PABPC4L: variants seen among roughly 807,000 people sequenced by gnomAD.
The protein encoded by PABPC4L is polyadenylate-binding protein 4-like.
For missense variants in PABPC4L, 452 were observed against 451.4 expected (o/e 1.00, Z -0.01); for synonymous variants, 169 against 164.1 (o/e 1.03, Z -0.23).
At chr4:134,173,175 A>AAG in the PABPC4L span, among the ~76,000 whole-genome samples, 8 of 150,850 alleles carry the variant, frequency 5.3e-5, no homozygotes, top group Non-Finnish European at 1.0e-4. Context: ...AAAAAAAAAA[A>AAG]AAAAAGAAAC....
the PABPC4L span, among the ~76,000 whole-genome samples, chr4:133,979,393 C>T: frequency 6.6e-6 from 1 of 151,982 alleles, no homozygotes; most frequent in Non-Finnish European, 1.5e-5. Flanking sequence ...GTAGGAGGAA[C>T]CCTGAGAACA....
chr4:134,061,660 T>C, the PABPC4L span, among the ~76,000 whole-genome samples: 3 of 94,772 alleles, frequency 3.2e-5, no homozygotes, highest in Non-Finnish European at 6.9e-5. Context: ...GAGAGAGAGA[T>C]TGGAGATATT....
downstream of PABPC4L, among the ~76,000 whole-genome samples, chr4:134,192,667 C>T (rs1729544111): frequency 6.6e-6 from 1 of 151,984 alleles, no homozygotes; most frequent in Non-Finnish European, 1.5e-5. Context: ...AGTCACACAA[C>T]AGAAGAATAT....
At chr4:134,145,912 A>G in the PABPC4L span, among the ~76,000 whole-genome samples, 1 of 151,984 alleles carries the variant, frequency 6.6e-6, no homozygotes, top group Admixed American at 6.6e-5. Context: ...AATAGTGAAA[A>G]AATTATTTTA....
chr4:134,095,717 C>A, the PABPC4L span, among the ~76,000 whole-genome samples: 6 of 151,836 alleles, frequency 4.0e-5, no homozygotes, highest in Admixed American at 3.3e-4. Flanking sequence ...TTCAGTAAAT[C>A]CTTATCACTT....
the PABPC4L span, among the ~76,000 whole-genome samples, chr4:134,063,782 A>G: frequency 3.3e-5 from 5 of 152,072 alleles, no homozygotes; most frequent in Admixed American, 1.3e-4. Flanking sequence ...AGACCAATAA[A>G]AAAAGTAAAT....
the PABPC4L span, among the ~76,000 whole-genome samples, chr4:133,975,493 T>C: frequency 6.6e-6 from 1 of 152,174 alleles, no homozygotes; most frequent in Non-Finnish European, 1.5e-5. Flanking sequence ...ACGTGAATTA[T>C]ATCTCAATAA....
chr4:134,179,896 G>A, the PABPC4L span, among the ~76,000 whole-genome samples: 7 of 152,066 alleles, frequency 4.6e-5, no homozygotes, highest in South Asian at 1.5e-3. Context: ...CACAAGTTAC[G>A]AAGACCTATT....
At chr4:134,095,495 A>G in the PABPC4L span, among the ~76,000 whole-genome samples, 3 of 152,022 alleles carry the variant, frequency 2.0e-5, no homozygotes, top group Non-Finnish European at 4.4e-5. Context: ...CAGAAAATAG[A>G]TGGAATATTA....
At chr4:134,113,428 C>A in the PABPC4L span, among the ~76,000 whole-genome samples, 1 of 151,850 alleles carries the variant, frequency 6.6e-6, no homozygotes, top group Non-Finnish European at 1.5e-5. Context: ...AACACAAACA[C>A]CATTGTGTTA....
At chr4:134,091,604 G>A in the PABPC4L span, among the ~76,000 whole-genome samples, 1 of 151,632 alleles carries the variant, frequency 6.6e-6, no homozygotes, top group African/African-American at 2.4e-5. Context: ...TTTCCTCTAA[G>A]TAAGATGCTG....
chr4:134,150,379 C>T, the PABPC4L span, among the ~76,000 whole-genome samples: 3 of 152,034 alleles, frequency 2.0e-5, no homozygotes, highest in African/African-American at 7.2e-5. Flanking sequence ...CCACCGTGCC[C>T]TGCATATTAT....
At chr4:133,950,998 C>T in the PABPC4L span, among the ~76,000 whole-genome samples, 1 of 152,284 alleles carries the variant, frequency 6.6e-6, no homozygotes, top group Admixed American at 6.5e-5. Context: ...CTTGTAGGAG[C>T]TTTAGGGACT....
At chr4:134,048,515 G>T in the PABPC4L span, among the ~76,000 whole-genome samples, 1 of 152,080 alleles carries the variant, frequency 6.6e-6, no homozygotes, top group Non-Finnish European at 1.5e-5. Flanking sequence ...TTCTTCACAG[G>T]TGAGGGTAGA....
the PABPC4L span, among the ~76,000 whole-genome samples, chr4:133,984,109 A>G: frequency 6.6e-6 from 1 of 151,982 alleles, no homozygotes; most frequent in Admixed American, 6.6e-5. Flanking sequence ...CATATTTTCA[A>G]TTGCACCAAC....
At chr4:134,186,831 T>C in the PABPC4L span, among the ~76,000 whole-genome samples, 395 of 152,070 alleles carry the variant, frequency 2.6e-3, 1 homozygote, top group Admixed American at 3.4e-3. Flanking sequence ...ACAAAGAACT[T>C]AAACAAATTT....
the PABPC4L span, among the ~76,000 whole-genome samples, chr4:134,032,980 T>A: frequency 4.0e-3 from 603 of 151,644 alleles, 2 homozygotes; most frequent in African/African-American, 0.011. Context: ...AAGTATACCT[T>A]GTGTTATTGC....
At chr4:134,043,019 T>G in the PABPC4L span, among the ~76,000 whole-genome samples, 1 of 152,140 alleles carries the variant, frequency 6.6e-6, no homozygotes, top group Non-Finnish European at 1.5e-5. Flanking sequence ...TTGCATAGAT[T>G]ACTTTGAAAT....
At chr4:133,951,599 C>T in the PABPC4L span, among the ~76,000 whole-genome samples, 48 of 152,148 alleles carry the variant, frequency 3.2e-4, no homozygotes, top group African/African-American at 1.1e-3. Flanking sequence ...CTCTTCTGAC[C>T]CCAGGTTTGA....
Sources: gnomAD v4.1 joint callset for allele counts (sites outside exome capture counted in the v4.1 genomes callset) on GRCh38, gnomAD v4.1.1 for gene constraint, MANE v1.5 for transcripts, NCBI Gene and HGNC (gene_info 2026-07-23, HGNC 2026-07-21) for gene names.